The following CACNA2D1 variants were observed in gnomAD, a reference collection of about 807,000 sequenced individuals.
CACNA2D1 encodes voltage-dependent calcium channel subunit alpha-2/delta-1.
In CACNA2D1, 53 loss-of-function variants were observed where a neutral mutation model predicts 171.5. That is an observed-to-expected ratio of 0.31 (90% CI 0.25 to 0.39). The LOEUF is 0.39. Ranked by LOEUF, CACNA2D1 falls within the 10% of genes least tolerant of loss-of-function variation. The pLI is 1.00. For missense variants in CACNA2D1, 903 were observed against 1,299.8 expected, an observed-to-expected ratio of 0.69 and a Z score of 4.69; for synonymous variants, 442 against 443.1, an observed-to-expected ratio of 1.00 and a Z score of 0.03.
intron 9 of CACNA2D1, among the ~76,000 whole-genome samples, chr7:82,062,729 CTTTTTTT>C (rs71520797): frequency 2.0e-3 from 104 of 52,154 alleles, no homozygotes; most frequent in South Asian, 2.6e-3. Flanking sequence ...GGTATATCTC[CTTTTTTT>C]TTTTTTTTTT....
chr7:82,168,662 G>A (rs1795711072), intron 4 of CACNA2D1, among the ~76,000 whole-genome samples: 2 of 151,912 alleles, frequency 1.3e-5, no homozygotes, highest in African/African-American at 4.8e-5. Flanking sequence ...CAATGTCTAG[G>A]AAATGAAACC....
Position 82,053,268 on chromosome 7 carries a change from AATT to A in CACNA2D1, c.879+7157_879+7159del, listed in dbSNP as rs1245052615. Among the ~76,000 whole-genome samples, 1,400 of 151,244 alleles carry A rather than the reference AATT, an allele frequency of 9.3e-3. 23 individuals carry two copies. The highest frequency in any genetic ancestry group is 0.032 in the African/African-American group (1,332 of 41,102). ...CTCCGTCTCAAAAAAAAAAAAAAAA[AATT>A]AAATAATTACCTATCAATTATGATT... On this transcript the variant is annotated intron_variant, in intron 10 of 38. Transcript: ENST00000356860.
chr7:82,435,725 T>G (rs1830066310), intron 1 of CACNA2D1, among the ~76,000 whole-genome samples: 1 of 152,138 alleles, frequency 6.6e-6, no homozygotes, highest in Non-Finnish European at 1.5e-5. Flanking sequence ...TTCTACATAT[T>G]ATGATTCAAA....
At chr7:81,955,976 ATATATTTTTTTT>A (rs1201672356) in intron 38 of CACNA2D1, among the ~76,000 whole-genome samples, 6 of 73,604 alleles carry the variant, frequency 8.2e-5, no homozygotes, top group African/African-American at 2.7e-4. Context: ...ATATATATAT[ATATATTTTTTTT>A]TTTTTTTTTT....
At chr7:82,200,557 T>C (rs1744127599) in intron 3 of CACNA2D1, among the ~76,000 whole-genome samples, 1 of 152,164 alleles carries the variant, frequency 6.6e-6, no homozygotes, top group African/African-American at 2.4e-5. Context: ...TAGTTGTATG[T>C]TTTTGAATTT....
At chr7:82,322,355 C>G (rs372566748) in intron 3 of CACNA2D1, among the ~76,000 whole-genome samples, 1 of 148,792 alleles carries the variant, frequency 6.7e-6, no homozygotes, top group East Asian at 2.0e-4. Flanking sequence ...TGGCTCACAC[C>G]TATAAGGCCA....
chr7:82,092,610 G>T (rs1811326604), intron 6 of CACNA2D1, among the ~76,000 whole-genome samples: 2 of 142,018 alleles, frequency 1.4e-5, no homozygotes, highest in Admixed American at 1.5e-4. Context: ...AGCTGGGATG[G>T]TCTCCATCTC....
intron 7 of CACNA2D1, among the ~76,000 whole-genome samples, chr7:82,071,707 T>A (rs1354627367): frequency 6.6e-6 from 1 of 152,172 alleles, no homozygotes; most frequent in African/African-American, 2.4e-5. Flanking sequence ...AATATGCATT[T>A]CCTCCTCCTT....
At position 82,014,593 on chromosome 7, in the gene CACNA2D1, C is replaced by T. The variant is rs1281765064; in HGVS notation, c.1144-114G>A. 5 of 691,384 alleles carry T rather than the reference C, an allele frequency of 7.2e-6. No homozygotes were observed. In the East Asian group the frequency reaches 1.4e-4, roughly 19 times the overall value. The allele number at this position is 691,384 out of a possible 1,614,324, so 42.8% of individuals were successfully genotyped here. On this transcript the variant is annotated intron_variant, in intron 12 of 38. Coordinates refer to ENST00000356860, the MANE Select transcript of CACNA2D1 (RefSeq NM_000722.4). Reference sequence around the variant, plus strand: ...AGTGCTTTCCAGTTGAATGATATGACAAGAAAAACTGAGGCCAGTAAAGCC... The same window carrying T: ...AGTGCTTTCCAGTTGAATGATATGATAAGAAAAACTGAGGCCAGTAAAGCC...
chr7:82,342,772 G>A (rs1250171612), intron 2 of CACNA2D1, among the ~76,000 whole-genome samples: 1 of 152,134 alleles, frequency 6.6e-6, no homozygotes, highest in Non-Finnish European at 1.5e-5. Context: ...GGATGAAAGA[G>A]ATCAGAATGG....
At position 82,060,153 on chromosome 7, in the gene CACNA2D1, T is replaced by TTA. The variant is rs556057858; in HGVS notation, c.879+273_879+274dup. Among the ~76,000 whole-genome samples the TTA allele has an allele frequency of 3.0e-4, 12 of 39,870 alleles. 1 individual carries two copies. Among genetic ancestry groups the TTA allele is most frequent in the East Asian group, 2.2e-3 (2 of 920 alleles). The allele number at this position is 39,870 out of a possible 152,430, so 26.2% of individuals were successfully genotyped here. A position where few individuals can be genotyped will look rare whatever the true frequency, so the allele number is the denominator to read the frequency against. ...CTAAAACTTAAATTATATATATGTA[T>TTA]TATATATATATAATATATATATATA... On this transcript the variant is annotated intron_variant, in intron 10 of 38. Transcript: ENST00000356860.
chr7:82,097,789 C>A (rs1171520835), intron 6 of CACNA2D1, among the ~76,000 whole-genome samples: 1 of 151,988 alleles, frequency 6.6e-6, no homozygotes, highest in Non-Finnish European at 1.5e-5. Context: ...ACTAAAATGA[C>A]ACCAATAATG....
chr7:82,178,499 G>A (rs1796787824), intron 3 of CACNA2D1, among the ~76,000 whole-genome samples: 1 of 152,062 alleles, frequency 6.6e-6, no homozygotes. Flanking sequence ...TGTTGAACTT[G>A]TTGAACACAC....
intron 6 of CACNA2D1, among the ~76,000 whole-genome samples, chr7:82,110,098 A>T (rs1054402844): frequency 5.9e-5 from 9 of 152,302 alleles, no homozygotes; most frequent in Admixed American, 2.6e-4. Flanking sequence ...GCCTATTCTT[A>T]TCAACATAGT....
intron 4 of CACNA2D1, among the ~76,000 whole-genome samples, chr7:82,149,914 G>A (rs543271355): frequency 5.5e-4 from 83 of 151,892 alleles, no homozygotes; most frequent in Non-Finnish European, 9.3e-4. Flanking sequence ...CCGAGATCGC[G>A]CCACTGCACT....
At chr7:82,439,953 T>C (rs1210672973) in intron 1 of CACNA2D1, among the ~76,000 whole-genome samples, 1 of 151,842 alleles carries the variant, frequency 6.6e-6, no homozygotes, top group Non-Finnish European at 1.5e-5. Context: ...AATAATTATG[T>C]CACTTATAAT....
intron 19 of CACNA2D1, among the ~76,000 whole-genome samples, chr7:81,995,909 T>C (rs959093159): frequency 5.9e-5 from 9 of 152,160 alleles, no homozygotes; most frequent in Non-Finnish European, 1.2e-4. Context: ...AACCAGTGAT[T>C]TACATGTGGC....
At chr7:81,994,495 T>C (rs964542370) in intron 20 of CACNA2D1, among the ~76,000 whole-genome samples, 2 of 152,072 alleles carry the variant, frequency 1.3e-5, no homozygotes, top group African/African-American at 4.8e-5. Flanking sequence ...GTAAAACATA[T>C]AGCTATTAAA....
At chr7:82,231,613 A>C (rs1802941801) in intron 3 of CACNA2D1, among the ~76,000 whole-genome samples, 1 of 152,160 alleles carries the variant, frequency 6.6e-6, no homozygotes, top group Non-Finnish European at 1.5e-5. Context: ...AGTAGAAATC[A>C]GCCTCAGAGG....
Sources: allele counts gnomAD v4.1 joint callset (sites outside exome capture counted in the v4.1 genomes callset), GRCh38; gene constraint gnomAD v4.1.1; transcripts MANE v1.5; gene names NCBI Gene and HGNC (gene_info 2026-07-23, HGNC 2026-07-21).